Variants in LYZL1 observed in about 807,000 individuals in gnomAD.
LYZL1 encodes the protein lysozyme-like protein 1.
In LYZL1, 16 loss-of-function variants were observed where a neutral mutation model predicts 17.9. The observed-to-expected ratio is 0.90, with a 90% CI of 0.61 to 1.36. The LOEUF is 1.36. Among genes scored for constraint, LYZL1 ranks in the 40% most tolerant of loss-of-function variants. The pLI is 0.00. For synonymous variants in LYZL1, 58 were observed against 71.8 expected, an observed-to-expected ratio of 0.81 and a Z score of 0.97; for missense variants, 149 against 188.4, an observed-to-expected ratio of 0.79 and a Z score of 1.22.
At chr10:29,295,973 G>T (rs1228217645) in intron 3 of LYZL1, among the ~76,000 whole-genome samples, 1 of 152,132 alleles carries the variant, frequency 6.6e-6, no homozygotes. Flanking sequence ...CCTGCAGAGT[G>T]TCCAGAAAGG....
rs1835499797 is a variant in LYZL1, at chr10:29,300,287, A to G, written c.298+7610A>G. ...CTTTCATTTCCTCCATTGGTTTGTTAGCTATATCTCTATTTTGTTTTTAGT... is the reference window on the plus strand; with the variant it reads ...CTTTCATTTCCTCCATTGGTTTGTTGGCTATATCTCTATTTTGTTTTTAGT... On this transcript the variant is annotated intron_variant, in intron 3 of 4. Transcript: ENST00000649382. Among the ~76,000 whole-genome samples the G allele has an allele frequency of 2.0e-5, 3 of 152,104 alleles. No homozygotes were observed. The South Asian group carries it at 6.2e-4, about 32-fold the overall frequency.
rs1329603212 is a variant in LYZL1 at position 29,306,413 on chromosome 10, A to G, written c.299-3697A>G. ...AAAATACAAAAAATTAGCCGGGCGT[A>G]GTGGCGGGCGCCTGTAGTCCCAGCT... is the stretch of plus-strand genomic sequence containing the variant. On this transcript the variant is annotated intron_variant, in intron 3 of 4. Coordinates refer to ENST00000649382, the MANE Select transcript of LYZL1 (RefSeq NM_032517.6). 1.1e-4 allele frequency among the ~76,000 whole-genome samples: 16 copies of G among 146,232 alleles called. 3 individuals carry two copies. The highest frequency in any genetic ancestry group is 3.9e-4 in the East Asian group (2 of 5,102).
chr10:29,293,128 TTTTTTC>T lies in LYZL1; in HGVS notation c.298+457_298+462del, dbSNP rs1442419946. Among the ~76,000 whole-genome samples the T allele has an allele frequency of 3.4e-4, 20 of 58,816 alleles. No individual in the cohort carries two copies. The East Asian group carries it at 8.4e-3, about 25-fold the overall frequency. The allele number at this position is 58,816 out of a possible 152,430, so 38.6% of individuals were successfully genotyped here. A position where few individuals can be genotyped will look rare whatever the true frequency, so the allele number is the denominator to read the frequency against. On this transcript the variant is annotated intron_variant, in intron 3 of 4. Transcript: ENST00000649382. ...CTTTCTTTTTTTTTCTTTTCTTTTC[TTTTTTC>T]TTTTTTTTTTTTTTTTGAGACAGGG... is the stretch of plus-strand genomic sequence containing the variant.
At chr10:29,309,283 T>C (rs1461016701) in intron 3 of LYZL1, among the ~76,000 whole-genome samples, 2 of 144,544 alleles carry the variant, frequency 1.4e-5, no homozygotes, top group Non-Finnish European at 3.1e-5. Context: ...GAGCCGAGAC[T>C]ATGCCACTGC....
chr10:29,304,201 C>A (rs191922592), intron 3 of LYZL1, among the ~76,000 whole-genome samples: 1 of 152,158 alleles, frequency 6.6e-6, no homozygotes, highest in Non-Finnish European at 1.5e-5. Context: ...TAAGCACACA[C>A]GTTCATATAC....
intron 3 of LYZL1, among the ~76,000 whole-genome samples, chr10:29,295,016 T>C (rs949706747): frequency 6.6e-6 from 1 of 152,186 alleles, no homozygotes; most frequent in African/African-American, 2.4e-5. Context: ...TGAGTGTAAA[T>C]GAAAACTTGG....
At chr10:29,307,348 G>A (rs1835609567) in intron 3 of LYZL1, among the ~76,000 whole-genome samples, 2 of 152,166 alleles carry the variant, frequency 1.3e-5, no homozygotes, top group African/African-American at 4.8e-5. Flanking sequence ...TTGCATATGA[G>A]TGAGATCATG....
chr10:29,311,192 C>A lies in LYZL1; in HGVS notation c.*133C>A. ...CTTGGAGAGGGAAAATTAAGCTATACTTTTAAGAAAATAAATATTTCCATT... is the reference window on the plus strand; with the variant it reads ...CTTGGAGAGGGAAAATTAAGCTATAATTTTAAGAAAATAAATATTTCCATT... On this transcript the variant is annotated 3_prime_UTR_variant, in exon 5 of 5. Transcript: ENST00000649382. The A allele has an allele frequency of 6.3e-7, 1 of 1,590,396 alleles. No individual in the cohort carries two copies. Among genetic ancestry groups the A allele is most frequent in the Middle Eastern group, 1.7e-4 (1 of 5,854 alleles).
intron 3 of LYZL1, among the ~76,000 whole-genome samples, chr10:29,294,372 ATT>A (rs1835418529): frequency 6.6e-6 from 1 of 152,206 alleles, no homozygotes; most frequent in Admixed American, 6.5e-5. Flanking sequence ...AGCAGAGACC[ATT>A]TAAGTGTCAC....
exon 4 of LYZL1, chr10:29,317,376 AAATCAAGACTAGAAGTATGAAAGCC>A (rs1835745130): frequency 6.6e-6 from 1 of 152,270 alleles, no homozygotes; most frequent in South Asian, 2.1e-4. Context: ...TTTAGAAGTC[AAATCAAGACTAGAAGTATGAAAGCC>A]AATCACAATT....
At chr10:29,314,919 G>A (rs117716566), downstream of LYZL1, among the ~76,000 whole-genome samples, 560 of 152,278 alleles carry the variant, frequency 3.7e-3, 1 homozygote, top group Non-Finnish European at 6.4e-3. Context: ...GTGACAGAAC[G>A]TGTCCTAGTT....
chr10:29,290,271 T>G (rs1204651545), intron 1 of LYZL1, among the ~76,000 whole-genome samples: 3 of 152,196 alleles, frequency 2.0e-5, no homozygotes, highest in Non-Finnish European at 4.4e-5. Flanking sequence ...CCAGCAAGGC[T>G]GTTGTATTTG....
At chr10:29,299,530 A>G (rs1322499131) in intron 3 of LYZL1, among the ~76,000 whole-genome samples, 3 of 152,256 alleles carry the variant, frequency 2.0e-5, no homozygotes, top group African/African-American at 7.2e-5. Context: ...AGAGATAGAT[A>G]TTGAAATTTG....
intron 3 of LYZL1, among the ~76,000 whole-genome samples, chr10:29,307,600 G>A (rs1835613293): frequency 6.6e-6 from 1 of 152,182 alleles, no homozygotes; most frequent in South Asian, 2.1e-4. Flanking sequence ...ATATTTTTAT[G>A]ATATTGGGAA....
intron 3 of LYZL1, among the ~76,000 whole-genome samples, chr10:29,295,173 A>C (rs1835431551): frequency 6.6e-6 from 1 of 152,218 alleles, no homozygotes; most frequent in Non-Finnish European, 1.5e-5. Context: ...ACCTCCTGAG[A>C]TAGATCTCCC....
chr10:29,295,630 A>G (rs1366532919), intron 3 of LYZL1, among the ~76,000 whole-genome samples: 1 of 152,226 alleles, frequency 6.6e-6, no homozygotes, highest in African/African-American at 2.4e-5. Context: ...GTGAGGAAGG[A>G]TCTGAGATCA....
At chr10:29,304,011 T>C (rs986880972) in intron 3 of LYZL1, among the ~76,000 whole-genome samples, 4 of 152,232 alleles carry the variant, frequency 2.6e-5, no homozygotes, top group African/African-American at 9.6e-5. Flanking sequence ...TCCTCCCATC[T>C]TGACCTCCCA....
At chr10:29,290,488 C>G (rs59187066) in intron 1 of LYZL1, among the ~76,000 whole-genome samples, 4,376 of 152,198 alleles carry the variant, frequency 0.029, 90 homozygotes, top group South Asian at 0.066. Context: ...TTAGGAGGCC[C>G]CCCGGAGCAC....
chr10:29,308,519 G>A (rs1381983614), intron 3 of LYZL1, among the ~76,000 whole-genome samples: 1 of 152,338 alleles, frequency 6.6e-6, no homozygotes, highest in South Asian at 2.1e-4. Flanking sequence ...TGCAACAGAA[G>A]TGATATTGGA....
Sources: allele counts gnomAD v4.1 joint callset (sites outside exome capture counted in the v4.1 genomes callset), GRCh38; gene constraint gnomAD v4.1.1; transcripts MANE v1.5; gene names NCBI Gene and HGNC (gene_info 2026-07-23, HGNC 2026-07-21).